The following TTYH2 variants were observed in gnomAD, a reference collection of about 807,000 sequenced individuals.
The protein encoded by TTYH2 is tweety family member 2.
In TTYH2, 49 loss-of-function variants were observed where a neutral mutation model predicts 68.3. That is an observed-to-expected ratio of 0.72 (90% CI 0.57 to 0.91). The LOEUF (loss-of-function observed/expected upper bound fraction) is 0.91. Ranked by LOEUF, TTYH2 falls within the 40% of genes least tolerant of loss-of-function variation. The probability of loss-of-function intolerance (pLI) is 0.00; values close to 1 mark genes in which losing one functional copy is unlikely to be tolerated. For synonymous variants in TTYH2, 272 were observed against 300.8 expected (o/e 0.90, Z 0.99); for missense variants, 631 against 700.4 (o/e 0.90, Z 1.12).
chr17:74,256,038 G>A (rs79594495), intron 13 of TTYH2, among the ~76,000 whole-genome samples: 2,398 of 152,274 alleles, frequency 0.016, 67 homozygotes, highest in African/African-American at 0.054. Context: ...TGTCAGACCC[G>A]AGAAAAGAGC....
At chr17:74,235,912 CAAAA>C (rs1005141568) in intron 3 of TTYH2, among the ~76,000 whole-genome samples, 7 of 146,142 alleles carry the variant, frequency 4.8e-5, no homozygotes, top group Non-Finnish European at 7.6e-5. Flanking sequence ...AAAAAAAAAA[CAAAA>C]AAGAGAAAGA....
intron 2 of TTYH2, among the ~76,000 whole-genome samples, chr17:74,228,071 C>G (rs2050350100): frequency 6.7e-6 from 1 of 148,814 alleles, no homozygotes; most frequent in Non-Finnish European, 1.5e-5. Flanking sequence ...GCAACCTCCT[C>G]CTCCTGGGTT....
chr17:74,248,667 C>T lies in TTYH2; in HGVS notation c.805-344C>T, dbSNP rs1050171255. Reference sequence around the variant, plus strand: ...TGCCCTGGGGCCCAGGATGCTGGCCCCCAAAGGTCTGTCCCAGAAGAGGCA... The same window carrying T: ...TGCCCTGGGGCCCAGGATGCTGGCCTCCAAAGGTCTGTCCCAGAAGAGGCA... On this transcript the variant is annotated intron_variant, in intron 6 of 13. Coordinates refer to ENST00000269346, the MANE Select transcript of TTYH2 (RefSeq NM_032646.6). 6 of 1,164,788 alleles carry T rather than the reference C, an allele frequency of 5.2e-6. No individual in the cohort carries two copies. In the South Asian group the frequency reaches 8.4e-5, roughly 16 times the overall value. The allele number at this position is 1,164,788 out of a possible 1,614,324, so 72.2% of individuals were successfully genotyped here.
At position 74,222,788 on chromosome 17, in the gene TTYH2, C is replaced by CT. The variant is rs111287638; in HGVS notation, c.302+144dup. 0.085 allele frequency: 77,574 copies of CT among 914,708 alleles called. 1,707 individuals are homozygous for CT. Among genetic ancestry groups the CT allele is most frequent in the African/African-American group, 0.28 (15,526 of 56,416 alleles). 56.7% of individuals were successfully genotyped at this position (914,708 alleles called of 1,614,324 possible). A position where few individuals can be genotyped will look rare whatever the true frequency, so the allele number is the denominator to read the frequency against. On this transcript the variant is annotated intron_variant, in intron 2 of 13. Transcript: ENST00000269346. The surrounding 1 kb of genome is among the most constrained non-coding windows in gnomAD (Gnocchi z 5.2). ...GCTTGTCCCCAGATGAATGTTGTCC[C>CT]TTTTTTTTTTTTTACCAAGCATCAG...
intron 1 of TTYH2, among the ~76,000 whole-genome samples, chr17:74,219,932 C>T (rs2143715177): frequency 6.6e-6 from 1 of 151,074 alleles, no homozygotes; most frequent in Non-Finnish European, 1.5e-5. Context: ...ATTGCTGGGT[C>T]ATGGCATGCA....
intron 6 of TTYH2, chr17:74,248,018 G>A (rs563587053): frequency 6.6e-6 from 1 of 152,454 alleles, no homozygotes; most frequent in South Asian, 2.1e-4. Context: ...CACTGAGTAA[G>A]TACTCCATAA....
intron 2 of TTYH2, among the ~76,000 whole-genome samples, chr17:74,224,732 G>T (rs1205737445): frequency 6.6e-6 from 1 of 152,130 alleles, no homozygotes; most frequent in Middle Eastern, 3.4e-3. Context: ...GGGCGTGGTG[G>T]CTCACGCCTA....
chr17:74,251,874 G>A, intron 10 of TTYH2: 1 of 281,510 alleles, frequency 3.6e-6, no homozygotes, highest in Non-Finnish European at 6.9e-6. Context: ...AACAGGCCAA[G>A]CCTGTCCCCT....
chr17:74,230,742 G>A, intron 2 of TTYH2, 146 bp from the exon 3 acceptor site: 1 of 691,822 alleles, frequency 1.4e-6, no homozygotes, highest in South Asian at 2.0e-5. Flanking sequence ...CTGGGTTCAA[G>A]CAATTCTATG....
chr17:74,227,440 G>A (rs745846686), intron 2 of TTYH2, among the ~76,000 whole-genome samples: 1 of 152,196 alleles, frequency 6.6e-6, no homozygotes. Flanking sequence ...AACACAAGGA[G>A]TCGACAAAAG....
intron 6 of TTYH2, chr17:74,248,387 G>A: frequency 1.0e-6 from 1 of 986,864 alleles, no homozygotes; most frequent in Non-Finnish European, 1.2e-6. Context: ...GCCGTGCTGT[G>A]GGGCCAGGTC....
Position 74,215,144 on chromosome 17 carries a change from G to A in TTYH2, c.129+1428G>A, listed in dbSNP as rs1199909636. On this transcript the variant is annotated intron_variant, in intron 1 of 13. Coordinates refer to ENST00000269346, the MANE Select transcript of TTYH2 (RefSeq NM_032646.6). The surrounding 1 kb of genome is among the most constrained non-coding windows in gnomAD (Gnocchi z 4.3). ...TCCTCTCCCAGAGAATGCATGAAAA[G>A]AGGCGGATATGATTTCAGAAACAGC... 6.6e-6 allele frequency among the ~76,000 whole-genome samples: 1 copy of A among 151,274 alleles called. No homozygotes were observed. Among genetic ancestry groups the A allele is most frequent in the East Asian group, 1.9e-4 (1 of 5,140 alleles).
intron 2 of TTYH2, among the ~76,000 whole-genome samples, chr17:74,226,862 T>C (rs1009217280): frequency 2.0e-5 from 3 of 152,094 alleles, no homozygotes; most frequent in Non-Finnish European, 4.4e-5. Flanking sequence ...CAGAACAGTT[T>C]TTCCTATGGC....
In TTYH2 at chr17:74,214,190, A is replaced by G. The variant is rs759477897; in HGVS notation, c.129+474A>G. Among the ~76,000 whole-genome samples the G allele has an allele frequency of 2.0e-5, 3 of 152,010 alleles. No homozygotes were observed. The highest frequency in any genetic ancestry group is 1.9e-4 in the East Asian group (1 of 5,160). On this transcript the variant is annotated intron_variant, in intron 1 of 13. Transcript: ENST00000269346. The surrounding 1 kb of genome is among the most constrained non-coding windows in gnomAD (Gnocchi z 4.6). Reference sequence around the variant, plus strand: ...TAGGAAAGTTTGGCAGAAACTGAGTAGAGTCTCCCGAGTCGGTCTTCGCAG... The same window carrying G: ...TAGGAAAGTTTGGCAGAAACTGAGTGGAGTCTCCCGAGTCGGTCTTCGCAG...
chr17:74,253,711 A>C, intron 12 of TTYH2, 44 bp from the exon 13 acceptor site: 1 of 1,593,044 alleles, frequency 6.3e-7, no homozygotes. Flanking sequence ...ACACACCCCC[A>C]CTCCCACACC....
At chr17:74,216,339 C>T (rs1029469012) in intron 1 of TTYH2, among the ~76,000 whole-genome samples, 3 of 151,980 alleles carry the variant, frequency 2.0e-5, no homozygotes, top group Non-Finnish European at 2.9e-5. Flanking sequence ...GGGGTGGGTG[C>T]GTGTGCATCA....
At position 74,244,134 on chromosome 17, in the gene TTYH2, G is replaced by A. The variant is rs1598226727; in HGVS notation, c.804+85G>A. The A allele has an allele frequency of 4.5e-6, 6 of 1,324,324 alleles. No homozygotes were observed. The East Asian group carries it at 1.4e-4, about 31-fold the overall frequency. 82.0% of individuals were successfully genotyped at this position (1,324,324 alleles called of 1,614,324 possible). On this transcript the variant is annotated intron_variant, in intron 6 of 13. Coordinates refer to ENST00000269346, the MANE Select transcript of TTYH2 (RefSeq NM_032646.6). ...TGTCTCCAAGCAGGGCCAGCTTCCGGTCCCAGCTCCTAACCTAGAATCCCA... is the reference window on the plus strand; with the variant it reads ...TGTCTCCAAGCAGGGCCAGCTTCCGATCCCAGCTCCTAACCTAGAATCCCA...
At chr17:74,242,393 TTTG>T (rs1335922149) in intron 4 of TTYH2, among the ~76,000 whole-genome samples, 2 of 152,074 alleles carry the variant, frequency 1.3e-5, no homozygotes, top group African/African-American at 2.4e-5. Flanking sequence ...CCTGAAGTTT[TTTG>T]TTGTTGTTGT....
At position 74,222,507 on chromosome 17, in the gene TTYH2, T is replaced by TGGCC. The variant is rs772917080; in HGVS notation, c.154_157dup (p.Ala53GlyfsTer108). On this transcript the variant is annotated frameshift_variant, in exon 2 of 14. Transcript: ENST00000269346. LOFTEE classifies it high-confidence loss of function. The surrounding 1 kb of genome is among the most constrained non-coding windows in gnomAD (Gnocchi z 5.2). ...CAGTCGCTGCTGTTCCTGGGGCTGGTGGCCGCCGTCTGCCTGGGCCTGAAC... is the reference window on the plus strand; with the variant it reads ...CAGTCGCTGCTGTTCCTGGGGCTGGTGGCCGGCCGCCGTCTGCCTGGGCCTGAAC... The TGGCC allele has an allele frequency of 6.2e-7, 1 of 1,610,814 alleles. No homozygotes were observed. The highest frequency in any genetic ancestry group is 8.5e-7 in the Non-Finnish European group (1 of 1,179,828).
Sources: gnomAD v4.1 joint callset for allele counts (sites outside exome capture counted in the v4.1 genomes callset) on GRCh38, gnomAD v4.1.1 for gene constraint, Gnocchi (gnomAD v3.1) non-coding constraint, MANE v1.5 for transcripts, NCBI Gene and HGNC (gene_info 2026-07-23, HGNC 2026-07-21) for gene names.